The following RASAL1 variants were observed in gnomAD, a reference collection of about 807,000 sequenced individuals.
RASAL1 encodes the protein rasGAP-activating-like protein 1.
A neutral mutation model predicts 96.6 loss-of-function variants in RASAL1; 72 were observed. The ratio of observed to expected loss-of-function variants is 0.75; its 90% CI spans 0.62 to 0.91. RASAL1 has a LOEUF of 0.91. RASAL1 is among the 40% of genes least tolerant of loss of function. The pLI, the probability that RASAL1 is intolerant of heterozygous loss-of-function variation, is 0.00. For missense variants in RASAL1, 1,016 were observed against 1,072.5 expected (o/e 0.95, Z 0.74); for synonymous variants, 405 against 430.4 (o/e 0.94, Z 0.73).
intron 8 of RASAL1, among the ~76,000 whole-genome samples, chr12:113,116,773 G>T (rs1005621446): frequency 2.6e-5 from 4 of 152,166 alleles, no homozygotes; most frequent in Non-Finnish European, 4.4e-5. Context: ...AAGTGGAGAT[G>T]GTATAAACAA....
chr12:113,119,828 A>G (rs532249670), intron 5 of RASAL1, among the ~76,000 whole-genome samples: 21 of 152,316 alleles, frequency 1.4e-4, no homozygotes, highest in Admixed American at 9.1e-4. Flanking sequence ...GCTAGCGGAC[A>G]CTAGGGAAAG....
chr12:113,119,054 C>T (rs1951188544), intron 7 of RASAL1, 74 bp downstream of exon 7: 10 of 1,497,074 alleles, frequency 6.7e-6, no homozygotes, highest in Non-Finnish European at 7.2e-6. Flanking sequence ...CCAGGAGGCT[C>T]AGCCCGTCTC....
chr12:113,132,716 G>A (rs543390029), intron 1 of RASAL1, among the ~76,000 whole-genome samples: 137 of 152,198 alleles, frequency 9.0e-4, no homozygotes, highest in Non-Finnish European at 1.5e-3. Context: ...CCTGTGCCTC[G>A]GTTTCCCTCT....
Position 113,117,621 on chromosome 12 carries a change from A to G in RASAL1, c.643-460T>C, listed in dbSNP as rs889538964. Among the ~76,000 whole-genome samples the G allele has an allele frequency of 6.6e-5, 10 of 152,306 alleles. No homozygotes were observed. In the East Asian group the frequency reaches 1.9e-3, roughly 29 times the overall value. On this transcript the variant is annotated intron_variant, in intron 7 of 20. Transcript: ENST00000548055. ...TCACCTTTTAAAAGTGTACAATTCAATGATTTTTAGTATATTCACAGACTT... is the reference window on the plus strand; with the variant it reads ...TCACCTTTTAAAAGTGTACAATTCAGTGATTTTTAGTATATTCACAGACTT...
Position 113,130,812 on chromosome 12 carries a change from C to A in RASAL1, c.122+73G>T. 7.6e-7 allele frequency: 1 copy of A among 1,311,132 alleles called. No individual in the cohort carries two copies. The highest frequency in any genetic ancestry group is 1.1e-6 in the Non-Finnish European group (1 of 930,068). 81.2% of individuals were successfully genotyped at this position (1,311,132 alleles called of 1,614,324 possible). On this transcript the variant is annotated intron_variant, in intron 2 of 20. Transcript: ENST00000548055. The surrounding 1 kb of genome is among the most constrained non-coding windows in gnomAD (Gnocchi z 5.1). Reference sequence around the variant, plus strand: ...GTAAGCACTCCTTTAAATGTGAATTCTTGGTCCCAGATTCCCCAGGTCTAG... The same window carrying A: ...GTAAGCACTCCTTTAAATGTGAATTATTGGTCCCAGATTCCCCAGGTCTAG...
chr12:113,106,217 C>A (rs1345270567), intron 15 of RASAL1, among the ~76,000 whole-genome samples: 2 of 152,122 alleles, frequency 1.3e-5, no homozygotes, highest in Non-Finnish European at 2.9e-5. Context: ...CTCAGGGAGC[C>A]AGGACACAGC....
At position 113,100,029 on chromosome 12, in the gene RASAL1, G is replaced by A. The variant is rs201571351; in HGVS notation, c.2318C>T (p.Thr773Ile). 377 of 1,613,236 alleles carry A rather than the reference G, an allele frequency of 2.3e-4. No individual in the cohort carries two copies. Among genetic ancestry groups the A allele is most frequent in the Non-Finnish European group, 1.4e-4 (166 of 1,179,552 alleles). The change falls in exon 21 of 21, where the codon ACT (threonine) becomes ATT (isoleucine). Residue 773 changes from threonine (T) to isoleucine (I), a missense_variant. By Grantham distance (89) the Thr-to-Ile change is moderately conservative. Coordinates refer to ENST00000548055, the MANE Select transcript of RASAL1 (RefSeq NM_001301202.2). Reference protein sequence around the residue: ...PEVLARQRAATARLLEVLADL... With the variant: ...PEVLARQRAAIARLLEVLADL... ...TGCGAGCACCTCCAGCAGGCGGGCA[G>A]TTGCTGCTCTTTGCCGGGCCAGGAC...
intron 14 of RASAL1, chr12:113,107,692 T>C (rs1950700926): frequency 5.2e-6 from 2 of 387,746 alleles, no homozygotes; most frequent in Non-Finnish European, 1.0e-5. Flanking sequence ...CTTCCTCTTT[T>C]TGGAATCTGC....
chr12:113,122,747 A>G (rs931393967), intron 4 of RASAL1, among the ~76,000 whole-genome samples: 6 of 152,166 alleles, frequency 3.9e-5, no homozygotes, highest in Non-Finnish European at 5.9e-5. Flanking sequence ...CTATTTATGG[A>G]ATCATATCCT....
At chr12:113,134,092 G>A (rs1382736796) in intron 1 of RASAL1, among the ~76,000 whole-genome samples, 1 of 152,092 alleles carries the variant, frequency 6.6e-6, no homozygotes, top group Non-Finnish European at 1.5e-5. Context: ...TGCCCTAACA[G>A]TGTAGGCCGT....
rs368437876 is a variant in RASAL1, at chr12:113,114,857, A to G, written c.1124T>C (p.Phe375Ser). 18 of 1,614,044 alleles carry G rather than the reference A, an allele frequency of 1.1e-5. No homozygotes were observed. In the African/African-American group the frequency reaches 2.3e-4, roughly 20 times the overall value. Residue 375 changes from phenylalanine (F) to serine (S), a missense_variant, in exon 12 of 21, where the codon TTT becomes TCT. Transcript: ENST00000548055. ...CAGCTCCATGTACTTCTTCTCCTCA[A>G]AGACACGGCTAATCACAGGCTTCAG... is the stretch of plus-strand genomic sequence containing the variant. ...EVLKPVISRV[F>S]EEKKYMELDP... is the part of the protein sequence containing the mutation.
chr12:113,118,164 C>A (rs2136195822), intron 7 of RASAL1, among the ~76,000 whole-genome samples: 1 of 152,220 alleles, frequency 6.6e-6, no homozygotes. Flanking sequence ...GTGGAGGTTG[C>A]AGTGAGCTGA....
At position 113,132,074 on chromosome 12, in the gene RASAL1, C is replaced by T. The variant is rs567030111; in HGVS notation, c.66-1133G>A. ...GCAATCTCTGCCTCCCAAGTTCAAG[C>T]GATTCTCCTGCCTCAGCCTCCTGAG... On this transcript the variant is annotated intron_variant, in intron 1 of 20. Coordinates refer to ENST00000548055, the MANE Select transcript of RASAL1 (RefSeq NM_001301202.2). 1.7e-4 allele frequency among the ~76,000 whole-genome samples: 25 copies of T among 150,558 alleles called. No individual in the cohort carries two copies. In the East Asian group the frequency reaches 4.5e-3, roughly 27 times the overall value.
At chr12:113,121,683 C>A in intron 4 of RASAL1, 45 bp from the exon 5 acceptor site, 3 of 1,599,300 alleles carry the variant, frequency 1.9e-6, no homozygotes, top group Non-Finnish European at 2.6e-6. Flanking sequence ...CTACCATGTA[C>A]TGGGCATTGT....
intron 4 of RASAL1, among the ~76,000 whole-genome samples, chr12:113,122,322 A>G (rs192539786): frequency 6.6e-6 from 1 of 152,168 alleles, no homozygotes; most frequent in Non-Finnish European, 1.5e-5. Context: ...ATTTCTCTCA[A>G]CACTTTGAAG....
Position 113,115,818 on chromosome 12 carries a change from T to G in RASAL1, c.850-30A>C. ...GTGGGGGCGGGAGACAAAGATGACC[T>G]CGGCCCCTGGGACCCCAAAGCAGAT... On this transcript the variant is annotated intron_variant, in intron 9 of 20. Coordinates refer to ENST00000548055, the MANE Select transcript of RASAL1 (RefSeq NM_001301202.2). This position sits in a 1 kb window ranked among gnomAD's most constrained non-coding sequence, Gnocchi z 4.1. The G allele has an allele frequency of 6.2e-7, 1 of 1,612,546 alleles. No homozygotes were observed. Among genetic ancestry groups the G allele is most frequent in the Non-Finnish European group, 8.5e-7 (1 of 1,179,096 alleles).
intron 12 of RASAL1, among the ~76,000 whole-genome samples, chr12:113,112,669 C>G (rs1217909338): frequency 6.6e-6 from 1 of 152,042 alleles, no homozygotes; most frequent in Non-Finnish European, 1.5e-5. Flanking sequence ...AACCTTTTCC[C>G]AACCAGGCCC....
intron 7 of RASAL1, among the ~76,000 whole-genome samples, 170 bp from the exon 8 acceptor site, chr12:113,117,331 C>T (rs775004725): frequency 2.2e-4 from 34 of 152,198 alleles, no homozygotes; most frequent in Non-Finnish European, 4.1e-4. Flanking sequence ...TTAGCTCCTG[C>T]CAGGACACTG....
At chr12:113,112,041 C>A (rs1308966463) in intron 13 of RASAL1, 45 bp downstream of exon 13, 2 of 1,231,802 alleles carry the variant, frequency 1.6e-6, no homozygotes, top group Non-Finnish European at 2.0e-6. Flanking sequence ...TGACCCCGGA[C>A]AAGCTCCGGC....
Sources: allele counts gnomAD v4.1 joint callset (sites outside exome capture counted in the v4.1 genomes callset), GRCh38; gene constraint gnomAD v4.1.1; non-coding constraint Gnocchi (gnomAD v3.1); transcripts MANE v1.5; gene names NCBI Gene and HGNC (gene_info 2026-07-23, HGNC 2026-07-21).